ABCD2: variants seen among roughly 807,000 people sequenced by gnomAD.
ABCD2 encodes ATP-binding cassette sub-family D member 2.
In ABCD2, 36 loss-of-function variants were observed where a neutral mutation model predicts 70.9. The observed-to-expected ratio is 0.51, with a 90% CI of 0.39 to 0.67. The LOEUF (loss-of-function observed/expected upper bound fraction) is 0.67. ABCD2 is among the 30% of genes least tolerant of loss of function. The pLI, the probability that ABCD2 is intolerant of heterozygous loss-of-function variation, is 0.00. For missense variants in ABCD2, 729 were observed against 890.2 expected (o/e 0.82, Z 2.30); for synonymous variants, 304 against 306.9 (o/e 0.99, Z 0.10).
At chr12:39,609,381 T>C (rs1359770916) in intron 2 of ABCD2, among the ~76,000 whole-genome samples, 2 of 152,218 alleles carry the variant, frequency 1.3e-5, no homozygotes, top group African/African-American at 4.8e-5. Context: ...CAGCCCTATC[T>C]TTTAGGGTTC....
At chr12:39,583,056 C>A (rs1232961823) in intron 7 of ABCD2, among the ~76,000 whole-genome samples, 2 of 152,012 alleles carry the variant, frequency 1.3e-5, no homozygotes, top group African/African-American at 2.4e-5. Flanking sequence ...GAAGTGGTTT[C>A]ACCATGTTGC....
downstream of ABCD2, among the ~76,000 whole-genome samples, chr12:39,547,514 A>C (rs1328965826): frequency 1.3e-5 from 2 of 152,150 alleles, no homozygotes; most frequent in African/African-American, 4.8e-5. Flanking sequence ...ACATGCTACA[A>C]CATGGGGGAA....
At chr12:39,555,800 C>T (rs754354700) in intron 9 of ABCD2, among the ~76,000 whole-genome samples, 3 of 152,152 alleles carry the variant, frequency 2.0e-5, no homozygotes, top group Non-Finnish European at 4.4e-5. Flanking sequence ...TGGTCTGCAT[C>T]ACCACGAACC....
chr12:39,561,414 G>A (rs1156630960), intron 9 of ABCD2, among the ~76,000 whole-genome samples: 1 of 148,868 alleles, frequency 6.7e-6, no homozygotes, highest in South Asian at 2.1e-4. Context: ...AAAAAAGACA[G>A]TGTCTGGATT....
At chr12:39,538,239 G>A in the ABCD2 span, among the ~76,000 whole-genome samples, 3 of 147,576 alleles carry the variant, frequency 2.0e-5, no homozygotes, top group African/African-American at 2.5e-5. Flanking sequence ...GAGCCATCTC[G>A]TCTCACTGCA....
intron 2 of ABCD2, among the ~76,000 whole-genome samples, chr12:39,611,233 C>T (rs1055178873): frequency 1.3e-5 from 2 of 151,956 alleles, no homozygotes; most frequent in Admixed American, 1.3e-4. Context: ...AAATTATGAA[C>T]TTTGGTTAAT....
intron 9 of ABCD2, among the ~76,000 whole-genome samples, chr12:39,570,982 G>A (rs571149875): frequency 2.1e-4 from 32 of 151,990 alleles, no homozygotes; most frequent in African/African-American, 7.2e-4. Context: ...ATGACAAACA[G>A]GCATATCAAA....
At chr12:39,547,637 T>C (rs1041275170), downstream of ABCD2, among the ~76,000 whole-genome samples, 2 of 152,102 alleles carry the variant, frequency 1.3e-5, no homozygotes, top group Admixed American at 6.6e-5. Flanking sequence ...CAAAGTAGAC[T>C]GGTGGTTAGT....
the ABCD2 span, among the ~76,000 whole-genome samples, chr12:39,541,081 A>C: frequency 2.6e-5 from 4 of 152,244 alleles, no homozygotes; most frequent in African/African-American, 7.2e-5. Context: ...GGCTAGGAGA[A>C]AATCTAGAGC....
rs191802178 is a variant in ABCD2, at chr12:39,580,804, G to C, written c.1793-1185C>G. Among the ~76,000 whole-genome samples the C allele has an allele frequency of 1.5e-3, 235 of 152,166 alleles. 1 individual carries two copies. The East Asian group carries it at 0.034, about 22-fold the overall frequency. ...TCTCTGTCATCTTTTTACTTGCTCA[G>C]CTGAATTTTTACCATTAAAATTTTG... On this transcript the variant is annotated intron_variant, in intron 7 of 9. Coordinates refer to ENST00000308666, the MANE Select transcript of ABCD2 (RefSeq NM_005164.4).
At chr12:39,538,917 C>G in the ABCD2 span, among the ~76,000 whole-genome samples, 7 of 152,278 alleles carry the variant, frequency 4.6e-5, no homozygotes, top group African/African-American at 1.7e-4. Context: ...GGGACACTTC[C>G]TGTTTACAGA....
At chr12:39,556,671 A>G (rs942252930) in intron 9 of ABCD2, among the ~76,000 whole-genome samples, 1 of 152,146 alleles carries the variant, frequency 6.6e-6, no homozygotes, top group African/African-American at 2.4e-5. Context: ...GTAAATTGGT[A>G]CTGGTAGATG....
At chr12:39,585,262 C>G (rs529763583) in intron 7 of ABCD2, among the ~76,000 whole-genome samples, 8 of 151,984 alleles carry the variant, frequency 5.3e-5, no homozygotes, top group Non-Finnish European at 1.2e-4. Context: ...CTAGGTATTT[C>G]ATTCTTTTTG....
rs1431067459 is a variant in ABCD2, at chr12:39,555,780, A to C, written c.2004-1649T>G. On this transcript the variant is annotated intron_variant, in intron 9 of 9. Coordinates refer to ENST00000308666, the MANE Select transcript of ABCD2 (RefSeq NM_005164.4). ...GAAACCTGTTGTCCCTGTCAGACAA[A>C]CTCAATTTCTGGTCTGCATCACCAC... 2.6e-5 allele frequency among the ~76,000 whole-genome samples: 4 copies of C among 151,988 alleles called. 1 individual carries two copies. The highest frequency in any genetic ancestry group is 5.9e-5 in the Non-Finnish European group (4 of 68,002).
the ABCD2 span, among the ~76,000 whole-genome samples, chr12:39,539,105 T>C: frequency 6.6e-6 from 1 of 152,172 alleles, no homozygotes; most frequent in Non-Finnish European, 1.5e-5. Flanking sequence ...TACTTTGATA[T>C]TTCAAAAATC....
At chr12:39,618,579 G>T (rs1450068271) in intron 1 of ABCD2, 98 bp downstream of exon 1, 6 of 1,056,854 alleles carry the variant, frequency 5.7e-6, no homozygotes, top group Non-Finnish European at 8.3e-6. Flanking sequence ...AGACACTAAA[G>T]AAGTGGGTCC....
intron 7 of ABCD2, among the ~76,000 whole-genome samples, chr12:39,579,992 A>G (rs1941574486): frequency 6.6e-6 from 1 of 152,218 alleles, no homozygotes; most frequent in Admixed American, 6.5e-5. Flanking sequence ...TACAAAGGGT[A>G]AGAAAGGAAC....
chr12:39,555,621 AAGCAT>A, intron 9 of ABCD2, among the ~76,000 whole-genome samples: 1 of 152,174 alleles, frequency 6.6e-6, no homozygotes, highest in Non-Finnish European at 1.5e-5. Flanking sequence ...AGAGGGATGT[AAGCAT>A]AAGAGTTTGC....
intron 6 of ABCD2, among the ~76,000 whole-genome samples, chr12:39,596,716 C>T (rs1018569878): frequency 1.3e-5 from 2 of 152,012 alleles, no homozygotes; most frequent in East Asian, 1.9e-4. Flanking sequence ...AAGAAAATTA[C>T]GATTAAAATT....
Sources: allele counts gnomAD v4.1 joint callset (sites outside exome capture counted in the v4.1 genomes callset), GRCh38; gene constraint gnomAD v4.1.1; transcripts MANE v1.5; gene names NCBI Gene and HGNC (gene_info 2026-07-23, HGNC 2026-07-21).